RALYL: variants seen among roughly 807,000 people sequenced by gnomAD.
The protein encoded by RALYL is RALY RNA binding protein like.
Under a neutral mutation model 35.1 loss-of-function variants are expected in RALYL, and 29 were observed. The ratio of observed to expected loss-of-function variants is 0.83; its 90% CI spans 0.61 to 1.13. The LOEUF (loss-of-function observed/expected upper bound fraction) is 1.13, where lower values mean the gene tolerates loss of function less well. Among genes scored for constraint, RALYL ranks in the 50% most tolerant of loss-of-function variants. The pLI is 0.00. For synonymous variants in RALYL, 120 were observed against 127.6 expected (o/e 0.94, Z 0.40); for missense variants, 359 against 360.4 (o/e 1.00, Z 0.03).
chr8:84,861,073 T>A (rs1345094614), intron 5 of RALYL, among the ~76,000 whole-genome samples: 1 of 152,184 alleles, frequency 6.6e-6, no homozygotes, highest in African/African-American at 2.4e-5. Context: ...TTGTTTTTTT[T>A]ATTTTCTTCC....
chr8:84,757,799 T>G (rs1179338109), intron 2 of RALYL, among the ~76,000 whole-genome samples: 2 of 152,180 alleles, frequency 1.3e-5, no homozygotes, highest in Non-Finnish European at 2.9e-5. Context: ...ATGGTTATTT[T>G]CTTTCTTTAA....
chr8:84,612,454 G>A (rs1046175077), intron 2 of RALYL, among the ~76,000 whole-genome samples: 10 of 152,040 alleles, frequency 6.6e-5, no homozygotes, highest in South Asian at 2.1e-4. Flanking sequence ...GGCATATACC[G>A]TATTTATCTA....
At chr8:84,867,275 T>C (rs1410968796) in intron 6 of RALYL, among the ~76,000 whole-genome samples, 1 of 152,240 alleles carries the variant, frequency 6.6e-6, no homozygotes, top group Non-Finnish European at 1.5e-5. Flanking sequence ...GTTGTTCGTT[T>C]TTTTATTATG....
At chr8:84,535,549 C>CCTCA (rs2059544733) in intron 2 of RALYL, among the ~76,000 whole-genome samples, 1 of 151,806 alleles carries the variant, frequency 6.6e-6, no homozygotes. Context: ...CATTCTCCTG[C>CCTCA]CTCAGCCTCC....
intron 1 of RALYL, among the ~76,000 whole-genome samples, chr8:84,395,673 C>T (rs1254273984): frequency 2.0e-5 from 3 of 151,818 alleles, no homozygotes; most frequent in South Asian, 4.1e-4. Context: ...AAGGTTTTAA[C>T]ATGTTCATGA....
chr8:84,735,258 A>G (rs1292117992), intron 2 of RALYL, among the ~76,000 whole-genome samples: 1 of 152,014 alleles, frequency 6.6e-6, no homozygotes. Context: ...CTGTATCCAC[A>G]GGACCTAAAA....
chr8:84,454,822 A>G (rs1394767935), intron 1 of RALYL, among the ~76,000 whole-genome samples: 5 of 152,074 alleles, frequency 3.3e-5, no homozygotes, highest in African/African-American at 1.2e-4. Context: ...TTCCCAACAC[A>G]GTGCAAGGCA....
At chr8:84,504,207 G>A (rs2056962439) in intron 1 of RALYL, among the ~76,000 whole-genome samples, 2 of 151,948 alleles carry the variant, frequency 1.3e-5, no homozygotes, top group Admixed American at 1.3e-4. Flanking sequence ...AAAAGCAAAT[G>A]GATACTAAAG....
At chr8:84,775,985 T>C (rs1178489217) in intron 3 of RALYL, among the ~76,000 whole-genome samples, 1 of 152,210 alleles carries the variant, frequency 6.6e-6, no homozygotes, top group African/African-American at 2.4e-5. Flanking sequence ...TATTTGGTTT[T>C]CTCCCAGATA....
intron 2 of RALYL, among the ~76,000 whole-genome samples, chr8:84,619,639 A>T (rs1039176570): frequency 4.6e-4 from 68 of 148,990 alleles, no homozygotes; most frequent in Non-Finnish European, 7.1e-4. Context: ...TGTCATTATG[A>T]TGTTAGCTGG....
At chr8:84,213,245 G>A (rs1362871947) in intron 1 of RALYL, among the ~76,000 whole-genome samples, 2 of 152,036 alleles carry the variant, frequency 1.3e-5, no homozygotes, top group African/African-American at 2.4e-5. Context: ...ACAAAAATTA[G>A]CTAGGCATGG....
intron 2 of RALYL, among the ~76,000 whole-genome samples, chr8:84,538,001 A>C (rs1192994754): frequency 6.6e-6 from 1 of 152,232 alleles, no homozygotes; most frequent in Non-Finnish European, 1.5e-5. Context: ...AATAAAAACA[A>C]TACTATGTGG....
chr8:84,435,630 T>C (rs1279696272), intron 1 of RALYL, among the ~76,000 whole-genome samples: 2 of 152,128 alleles, frequency 1.3e-5, no homozygotes, highest in African/African-American at 2.4e-5. Context: ...TGCTTAAAAC[T>C]TAATCTTAAT....
At chr8:84,568,295 C>T (rs1357178578) in intron 2 of RALYL, among the ~76,000 whole-genome samples, 10 of 148,228 alleles carry the variant, frequency 6.7e-5, no homozygotes, top group Admixed American at 2.1e-4. Flanking sequence ...TGAGAACATG[C>T]GGTGTTTGGT....
At chr8:84,908,025 G>C (rs1305760525) in intron 8 of RALYL, among the ~76,000 whole-genome samples, 1 of 152,038 alleles carries the variant, frequency 6.6e-6, no homozygotes, top group East Asian at 1.9e-4. Flanking sequence ...GCAATCCAAA[G>C]AACTGGAAGA....
At chr8:84,714,597 A>G (rs1034329907) in intron 2 of RALYL, among the ~76,000 whole-genome samples, 2 of 152,054 alleles carry the variant, frequency 1.3e-5, no homozygotes, top group Admixed American at 1.3e-4. Context: ...CATAAGCATC[A>G]ATGCAGTGTA....
chr8:84,748,863 G>A (rs756854893), intron 2 of RALYL, among the ~76,000 whole-genome samples: 12 of 152,000 alleles, frequency 7.9e-5, no homozygotes, highest in African/African-American at 1.7e-4. Flanking sequence ...AAATATCAAC[G>A]AGCCGGCATT....
intron 1 of RALYL, among the ~76,000 whole-genome samples, chr8:84,475,416 C>T (rs567833724): frequency 4.1e-4 from 63 of 152,070 alleles, no homozygotes; most frequent in African/African-American, 1.4e-3. Flanking sequence ...GACAGGTTTT[C>T]ACCACATTGC....
At chr8:84,569,424 TG>T (rs1807366265) in intron 2 of RALYL, among the ~76,000 whole-genome samples, 1 of 151,586 alleles carries the variant, frequency 6.6e-6, no homozygotes, top group Non-Finnish European at 1.5e-5. Flanking sequence ...CAGTTTTTAA[TG>T]GGGTTCTTTA....
Sources: gnomAD v4.1 joint callset for allele counts (sites outside exome capture counted in the v4.1 genomes callset) on GRCh38, gnomAD v4.1.1 for gene constraint, MANE v1.5 for transcripts, NCBI Gene and HGNC (gene_info 2026-07-23, HGNC 2026-07-21) for gene names.